The following CALN1 variants were observed in gnomAD, a reference collection of about 807,000 sequenced individuals.
CALN1 encodes calneuron 1.
Under a neutral mutation model 30.6 loss-of-function variants are expected in CALN1, and 17 were observed. The observed-to-expected ratio is 0.56, with a 90% CI of 0.38 to 0.83. The LOEUF is 0.83. Ranked by LOEUF, CALN1 falls within the 40% of genes least tolerant of loss-of-function variation. CALN1 has a pLI of 0.00. For synonymous variants in CALN1, 156 were observed against 131.4 expected (o/e 1.19, Z -1.28); for missense variants, 291 against 354.9 (o/e 0.82, Z 1.45).
chr7:72,078,727 G>C (rs1167466515), intron 4 of CALN1, among the ~76,000 whole-genome samples: 2 of 152,194 alleles, frequency 1.3e-5, no homozygotes, highest in Non-Finnish European at 2.9e-5. Flanking sequence ...CCTGAGGTCA[G>C]GAGATGAAGA....
intron 5 of CALN1, among the ~76,000 whole-genome samples, chr7:71,825,338 C>G (rs1053342090): frequency 6.6e-6 from 1 of 152,146 alleles, no homozygotes; most frequent in Non-Finnish European, 1.5e-5. Flanking sequence ...ATACTGTTCT[C>G]GTGGTAGTGA....
intron 5 of CALN1, among the ~76,000 whole-genome samples, chr7:71,944,014 C>A (rs1156506088): frequency 1.3e-5 from 2 of 152,146 alleles, no homozygotes; most frequent in Non-Finnish European, 2.9e-5. Context: ...ACCTGACATT[C>A]CCCAAATCTG....
At chr7:71,986,268 G>A (rs1199579022) in intron 5 of CALN1, among the ~76,000 whole-genome samples, 1 of 152,060 alleles carries the variant, frequency 6.6e-6, no homozygotes, top group Non-Finnish European at 1.5e-5. Context: ...TGCTGGTCTC[G>A]AACTCCTGAT....
At chr7:72,388,236 T>G (rs1262604687) in intron 2 of CALN1, among the ~76,000 whole-genome samples, 1 of 152,196 alleles carries the variant, frequency 6.6e-6, no homozygotes, top group East Asian at 1.9e-4. Flanking sequence ...TAAATATGAG[T>G]TATTGTATCC....
At chr7:71,823,711 C>A (rs1043673585) in intron 5 of CALN1, among the ~76,000 whole-genome samples, 13 of 148,580 alleles carry the variant, frequency 8.7e-5, no homozygotes, top group African/African-American at 3.0e-4. Context: ...GAGCGAGACT[C>A]CATCTCAAAA....
chr7:71,982,550 C>T (rs1453570564), intron 5 of CALN1, among the ~76,000 whole-genome samples: 2 of 152,274 alleles, frequency 1.3e-5, no homozygotes, highest in African/African-American at 2.4e-5. Context: ...GTCAAGATCA[C>T]GCCATTGCAC....
chr7:72,058,310 C>CTTTTTTTTTT lies in CALN1; in HGVS notation c.389-34551_389-34542dup, dbSNP rs3065011. On this transcript the variant is annotated intron_variant, in intron 4 of 6. Coordinates refer to ENST00000395275, the MANE Select transcript of CALN1 (RefSeq NM_031468.4). ...GCTACAAGCTGCAACAAGCTGGAATCTTTTTTTTTTTTTTTTTTTTTTTTT... is the reference window on the plus strand; with the variant it reads ...GCTACAAGCTGCAACAAGCTGGAATCTTTTTTTTTTTTTTTTTTTTTTTTTTTTTTTTTTT... Among the ~76,000 whole-genome samples, 298 of 70,778 alleles carry CTTTTTTTTTT rather than the reference C, an allele frequency of 4.2e-3. 30 individuals are homozygous for CTTTTTTTTTT. The highest frequency in any genetic ancestry group is 5.9e-3 in the Non-Finnish European group (235 of 40,120). 46.4% of individuals were successfully genotyped at this position (70,778 alleles called of 152,430 possible).
the CALN1 span, among the ~76,000 whole-genome samples, chr7:72,470,158 C>T: frequency 0.012 from 1,809 of 152,262 alleles, 14 homozygotes; most frequent in Non-Finnish European, 0.019. Flanking sequence ...CCAACTATAT[C>T]GTCTTGGGCA....
chr7:72,449,818 T>A (rs1808624654), upstream of CALN1, among the ~76,000 whole-genome samples: 1 of 130,636 alleles, frequency 7.7e-6, no homozygotes, highest in African/African-American at 2.9e-5. Flanking sequence ...CAGCTTGCAG[T>A]GAGCCAAGAT....
At chr7:71,912,726 G>A (rs868833301) in intron 5 of CALN1, among the ~76,000 whole-genome samples, 1 of 152,154 alleles carries the variant, frequency 6.6e-6, no homozygotes, top group African/African-American at 2.4e-5. Flanking sequence ...TCTGACTCAG[G>A]ATGCCATGGG....
intron 2 of CALN1, among the ~76,000 whole-genome samples, chr7:72,393,750 T>A (rs868312482): frequency 1.5e-4 from 22 of 151,246 alleles, no homozygotes; most frequent in African/African-American, 5.1e-4. Flanking sequence ...AGCTTTTTTT[T>A]TTTTTTTTTT....
In CALN1 at chr7:71,974,833, T is replaced by C. The variant is rs112631827; in HGVS notation, c.501+48824A>G. Among the ~76,000 whole-genome samples, 361 of 152,158 alleles carry C rather than the reference T, an allele frequency of 2.4e-3. 1 individual carries two copies. The highest frequency in any genetic ancestry group is 8.4e-3 in the African/African-American group (349 of 41,512). ...GGCCTACGGCTCTGTAGCTCCGAGGTTGGACTGGTGCAATTCCGCTCGGAT... is the reference window on the plus strand; with the variant it reads ...GGCCTACGGCTCTGTAGCTCCGAGGCTGGACTGGTGCAATTCCGCTCGGAT... On this transcript the variant is annotated intron_variant, in intron 5 of 6. Coordinates refer to ENST00000395275, the MANE Select transcript of CALN1 (RefSeq NM_031468.4).
At chr7:72,211,063 A>T (rs912022700) in intron 3 of CALN1, among the ~76,000 whole-genome samples, 1 of 151,816 alleles carries the variant, frequency 6.6e-6, no homozygotes, top group Non-Finnish European at 1.5e-5. Context: ...CTAAAAAAAT[A>T]AGTAAAATGA....
intron 5 of CALN1, among the ~76,000 whole-genome samples, chr7:71,819,774 A>C (rs1788488430): frequency 6.6e-6 from 1 of 152,124 alleles, no homozygotes; most frequent in African/African-American, 2.4e-5. Context: ...TGACTGGTTT[A>C]TTTCACTTAG....
intron 4 of CALN1, among the ~76,000 whole-genome samples, chr7:72,062,284 G>A (rs1803706576): frequency 6.6e-6 from 1 of 152,148 alleles, no homozygotes; most frequent in Non-Finnish European, 1.5e-5. Flanking sequence ...GCCAAGGTGG[G>A]TGGATCACTT....
rs60497716 is a variant in CALN1 at position 72,311,484 on chromosome 7, G to T, written c.120-32674C>A. Among the ~76,000 whole-genome samples, 1,449 of 150,302 alleles carry T rather than the reference G, an allele frequency of 9.6e-3. 19 individuals are homozygous for T. Among genetic ancestry groups the T allele is most frequent in the African/African-American group, 0.029 (1,175 of 41,012 alleles). On this transcript the variant is annotated intron_variant, in intron 2 of 6. Transcript: ENST00000395275. ...CAACTGTATTTCTTTTTTCTTTTTT[G>T]TGTGTGTGTGTGTAAGACAAGGTCT...
intron 5 of CALN1, among the ~76,000 whole-genome samples, chr7:71,961,099 G>A (rs1314118686): frequency 6.6e-6 from 1 of 152,210 alleles, no homozygotes; most frequent in Non-Finnish European, 1.5e-5. Context: ...TTACAGGCAT[G>A]AGCCACTGCT....
intron 2 of CALN1, among the ~76,000 whole-genome samples, chr7:72,301,600 C>G (rs561640755): frequency 6.1e-5 from 5 of 81,982 alleles, no homozygotes; most frequent in Middle Eastern, 0.014. Flanking sequence ...AGAGCAAAGA[C>G]TTTGTCTCTC....
rs147493094 is a variant in CALN1 at position 72,210,012 on chromosome 7, G to A, written c.244+68674C>T. On this transcript the variant is annotated intron_variant, in intron 3 of 6. Coordinates refer to ENST00000395275, the MANE Select transcript of CALN1 (RefSeq NM_031468.4). ...AGAGGGTGTTCCAGCAGCATCCCCC[G>A]AAGCCCTCGTTTCTGACGGTGGTCT... Among the ~76,000 whole-genome samples the A allele has an allele frequency of 1.5e-3, 222 of 152,224 alleles. 1 individual carries two copies. The highest frequency in any genetic ancestry group is 5.0e-3 in the African/African-American group (207 of 41,554).
Sources: allele counts gnomAD v4.1 joint callset (sites outside exome capture counted in the v4.1 genomes callset), GRCh38; gene constraint gnomAD v4.1.1; transcripts MANE v1.5; gene names NCBI Gene and HGNC (gene_info 2026-07-23, HGNC 2026-07-21).